CACHD1: variants seen among roughly 807,000 people sequenced by gnomAD.
CACHD1 encodes cache domain containing 1, also known as VWFA and cache domain-containing protein 1.
In CACHD1, 71 loss-of-function variants were observed where a neutral mutation model predicts 138.7. The ratio of observed to expected loss-of-function variants is 0.51; its 90% CI spans 0.42 to 0.62. The LOEUF (loss-of-function observed/expected upper bound fraction) is 0.62. CACHD1 is among the 20% of genes least tolerant of loss of function. The pLI is 0.00. For synonymous variants in CACHD1, 578 were observed against 591.5 expected, an observed-to-expected ratio of 0.98 and a Z score of 0.33; for missense variants, 1,389 against 1,625.3, an observed-to-expected ratio of 0.85 and a Z score of 2.50.
chr1:64,677,260 A>G (rs1650029231), intron 22 of CACHD1, among the ~76,000 whole-genome samples: 1 of 152,178 alleles, frequency 6.6e-6, no homozygotes, highest in Admixed American at 6.5e-5. Context: ...CCATGGCATG[A>G]AGCAGCAGGG....
In CACHD1 at chr1:64,671,701, G is replaced by A. The variant is rs1435789897; in HGVS notation, c.2510+15G>A. The A allele has an allele frequency of 1.2e-6, 2 of 1,613,898 alleles. No homozygotes were observed. The highest frequency in any genetic ancestry group is 1.7e-6 in the Non-Finnish European group (2 of 1,179,844). ...AACAAAATAAGGTAAGTGCTTTGGGGATGCTATTTCCTTTCTAGCTGCAGT... is the reference window on the plus strand; with the variant it reads ...AACAAAATAAGGTAAGTGCTTTGGGAATGCTATTTCCTTTCTAGCTGCAGT... On this transcript the variant is annotated intron_variant, in intron 17 of 26. Transcript: ENST00000651257.
At chr1:64,540,931 T>C (rs769630634) in intron 1 of CACHD1, among the ~76,000 whole-genome samples, 1 of 152,188 alleles carries the variant, frequency 6.6e-6, no homozygotes, top group Non-Finnish European at 1.5e-5. Flanking sequence ...GACTAAGGAA[T>C]TCATAATTTG....
chr1:64,620,190 G>C (rs754217051), intron 4 of CACHD1, among the ~76,000 whole-genome samples: 9 of 151,998 alleles, frequency 5.9e-5, no homozygotes, highest in African/African-American at 1.2e-4. Context: ...AAGCAGTTTG[G>C]ATTTTTCTGA....
chr1:64,585,587 G>T (rs113296302), intron 3 of CACHD1, among the ~76,000 whole-genome samples: 2,447 of 152,274 alleles, frequency 0.016, 63 homozygotes, highest in African/African-American at 0.056. Context: ...ACAGAGCCAA[G>T]AACTGCTTGG....
At chr1:64,566,173 A>G (rs1041280046) in intron 2 of CACHD1, among the ~76,000 whole-genome samples, 6 of 152,014 alleles carry the variant, frequency 3.9e-5, no homozygotes, top group Non-Finnish European at 5.9e-5. Flanking sequence ...GTATGTATTT[A>G]TGTTTTTCAT....
At chr1:64,689,898 C>A (rs1650492902) in intron 26 of CACHD1, among the ~76,000 whole-genome samples, 1 of 152,194 alleles carries the variant, frequency 6.6e-6, no homozygotes, top group Admixed American at 6.5e-5. Context: ...TTTAATTATA[C>A]CTCAGTTATA....
Position 64,629,438 on chromosome 1 carries a change from G to T in CACHD1, c.601G>T (p.Ala201Ser), listed in dbSNP as rs1250970135. ...AGAAGGAATTTTCACTGTTTTCCCA[G>T]CACACAAGTTCCGGTGTAAGGGCAG... ...SEEGIFTVFP[A>S]HKFRCKGSYE... is the part of the protein sequence containing the mutation. Residue 201 changes from alanine (A) to serine (S), a missense_variant, in exon 5 of 27, where the codon GCA becomes TCA. Physicochemically the swap from Ala to Ser is moderately conservative, Grantham distance 99 (BLOSUM62 1). Around this residue, in one of 5 missense-constraint regions of CACHD1, gnomAD observed 1,000 missense variants for 1,114.7 expected, o/e 0.90. Transcript: ENST00000651257. The T allele has an allele frequency of 1.2e-6, 2 of 1,614,118 alleles. No homozygotes were observed. The highest frequency in any genetic ancestry group is 2.2e-5 in the South Asian group (2 of 91,074).
chr1:64,581,307 A>G (rs1325847153), intron 2 of CACHD1, among the ~76,000 whole-genome samples: 1 of 152,200 alleles, frequency 6.6e-6, no homozygotes, highest in Non-Finnish European at 1.5e-5. Flanking sequence ...CTCCAGTGTG[A>G]TGATAATGAA....
At chr1:64,600,032 T>G (rs555465506) in intron 3 of CACHD1, among the ~76,000 whole-genome samples, 1 of 152,264 alleles carries the variant, frequency 6.6e-6, no homozygotes, top group East Asian at 1.9e-4. Context: ...AGTGATGGGT[T>G]TAAGTCTCTC....
chr1:64,604,052 C>T (rs960558658), intron 4 of CACHD1, among the ~76,000 whole-genome samples: 1 of 152,176 alleles, frequency 6.6e-6, no homozygotes, highest in Admixed American at 6.5e-5. Context: ...CATGTAGACA[C>T]ATAAAGCCGA....
chr1:64,552,156 C>T (rs1348376008), intron 2 of CACHD1, among the ~76,000 whole-genome samples: 1 of 151,840 alleles, frequency 6.6e-6, no homozygotes, highest in East Asian at 1.9e-4. Context: ...AAGTTTTTTC[C>T]CCCCACCCCC....
intron 4 of CACHD1, among the ~76,000 whole-genome samples, chr1:64,617,441 G>C (rs146577992): frequency 1.1e-3 from 172 of 152,000 alleles, no homozygotes; most frequent in African/African-American, 4.1e-3. Context: ...CCATGACCAG[G>C]CTGTCTCAAA....
intron 26 of CACHD1, among the ~76,000 whole-genome samples, chr1:64,685,598 A>G (rs1274600871): frequency 6.6e-6 from 1 of 151,894 alleles, no homozygotes; most frequent in Non-Finnish European, 1.5e-5. Context: ...GCTACCTTAG[A>G]CCTGAGTTTC....
rs1348972138 is a variant in CACHD1 at position 64,654,682 on chromosome 1, A to G, written c.1665-4A>G. On this transcript the variant is annotated splice_polypyrimidine_tract_variant and splice_region_variant and intron_variant, in intron 11 of 26. Transcript: ENST00000651257. The stretch of plus-strand genomic sequence containing the variant: ...GAAATATTTAATTCTGTTTGCCAAC[A>G]CAGCCTCCCTCTGGGCAGCCAGATT... 6.2e-7 allele frequency: 1 copy of G among 1,601,532 alleles called. No homozygotes were observed. The highest frequency in any genetic ancestry group is 8.6e-7 in the Non-Finnish European group (1 of 1,169,546).
At chr1:64,637,409 T>C (rs1445987414) in intron 7 of CACHD1, among the ~76,000 whole-genome samples, 1 of 152,214 alleles carries the variant, frequency 6.6e-6, no homozygotes, top group Non-Finnish European at 1.5e-5. Context: ...CCAGATCTTC[T>C]GTTTCAAGAG....
chr1:64,488,315 T>G lies in CACHD1; in HGVS notation c.198+17373T>G, dbSNP rs192788287. 3.5e-3 allele frequency among the ~76,000 whole-genome samples: 533 copies of G among 152,308 alleles called. 4 individuals carry two copies. Among genetic ancestry groups the G allele is most frequent in the Admixed American group, 5.9e-3 (91 of 15,298 alleles). On this transcript the variant is annotated intron_variant, in intron 1 of 26. Coordinates refer to ENST00000651257, the MANE Select transcript of CACHD1 (RefSeq NM_020925.4). Reference sequence around the variant, plus strand: ...GAAGTATGAAAACATCCTTTTTGAGTTTATCTTCCTCATAAAAATTTGTCT... The same window carrying G: ...GAAGTATGAAAACATCCTTTTTGAGGTTATCTTCCTCATAAAAATTTGTCT...
intron 4 of CACHD1, among the ~76,000 whole-genome samples, chr1:64,610,173 G>A (rs1647478405): frequency 6.6e-6 from 1 of 152,172 alleles, no homozygotes; most frequent in Non-Finnish European, 1.5e-5. Flanking sequence ...CATGACACAT[G>A]GGGATTATGG....
At chr1:64,656,062 A>G (rs1649252643) in intron 12 of CACHD1, among the ~76,000 whole-genome samples, 1 of 152,234 alleles carries the variant, frequency 6.6e-6, no homozygotes, top group Admixed American at 6.5e-5. Context: ...TGCCTGTATC[A>G]GTTGGATCAG....
intron 2 of CACHD1, among the ~76,000 whole-genome samples, chr1:64,557,426 G>C (rs1429504113): frequency 6.6e-6 from 1 of 152,082 alleles, no homozygotes; most frequent in Non-Finnish European, 1.5e-5. Flanking sequence ...TAGTGTTTCA[G>C]AAACTGTTGA....
Sources: gnomAD v4.1 joint callset for allele counts (sites outside exome capture counted in the v4.1 genomes callset) on GRCh38, gnomAD v4.1.1 for gene constraint, gnomAD v4.1.1 regional missense constraint, MANE v1.5 for transcripts, NCBI Gene and HGNC (gene_info 2026-07-23, HGNC 2026-07-21) for gene names.